ZFAND3: variants seen among roughly 807,000 people sequenced by gnomAD.
The protein encoded by ZFAND3 is zinc finger AN1-type containing 3.
In ZFAND3, 10 loss-of-function variants were observed where a neutral mutation model predicts 29.6. That is an observed-to-expected ratio of 0.34 (90% CI 0.21 to 0.57). The LOEUF is 0.57. Among genes scored for constraint, ZFAND3 ranks in the 20% least tolerant of loss-of-function variants. ZFAND3 has a pLI of 0.86. For synonymous variants in ZFAND3, 128 were observed against 112.6 expected, an observed-to-expected ratio of 1.14 and a Z score of -0.87; for missense variants, 230 against 304.5, an observed-to-expected ratio of 0.76 and a Z score of 1.82.
Position 37,997,563 on chromosome 6 carries a change from G to A in ZFAND3, c.113-64030G>A, listed in dbSNP as rs534405251. On this transcript the variant is annotated intron_variant, in intron 2 of 5. Coordinates refer to ENST00000287218, the MANE Select transcript of ZFAND3 (RefSeq NM_021943.3). ...AGCCCCAAGCTAGTTTCTACTTGAA[G>A]TTAAGACAGCCACTGCAAGGAGGGA... 2.6e-5 allele frequency among the ~76,000 whole-genome samples: 4 copies of A among 152,300 alleles called. No homozygotes were observed. In the East Asian group the frequency reaches 5.8e-4, roughly 22 times the overall value.
intron 1 of ZFAND3, among the ~76,000 whole-genome samples, chr6:37,846,095 G>A (rs1469253381): frequency 2.0e-5 from 3 of 152,106 alleles, no homozygotes; most frequent in African/African-American, 7.2e-5. Flanking sequence ...ACTCATGTTG[G>A]CTTTTGCCTG....
chr6:38,139,241 TC>T (rs1765901698), intron 5 of ZFAND3, among the ~76,000 whole-genome samples: 1 of 152,206 alleles, frequency 6.6e-6, no homozygotes, highest in Non-Finnish European at 1.5e-5. Context: ...ACACAGTCTT[TC>T]TATACCTAAC....
chr6:37,906,534 T>C lies in ZFAND3; in HGVS notation c.72-23425T>C, dbSNP rs113122200. On this transcript the variant is annotated intron_variant, in intron 1 of 5. Coordinates refer to ENST00000287218, the MANE Select transcript of ZFAND3 (RefSeq NM_021943.3). ...TTTGTTTGAACACCTATTTTCACTT[T>C]TTGGGTATACACGTGGGTGTGGAAT... Among the ~76,000 whole-genome samples the C allele has an allele frequency of 4.9e-4, 75 of 152,226 alleles. 1 individual carries two copies. Among genetic ancestry groups the C allele is most frequent in the African/African-American group, 1.0e-3 (43 of 41,564 alleles).
intron 1 of ZFAND3, among the ~76,000 whole-genome samples, chr6:37,926,004 G>A (rs1240437736): frequency 3.3e-5 from 5 of 152,176 alleles, no homozygotes; most frequent in African/African-American, 9.7e-5. Flanking sequence ...AAAAGTAGAG[G>A]TAATGAAGAC....
At chr6:37,983,783 A>G (rs188298436) in intron 2 of ZFAND3, among the ~76,000 whole-genome samples, 1 of 152,264 alleles carries the variant, frequency 6.6e-6, no homozygotes, top group African/African-American at 2.4e-5. Flanking sequence ...ACATGCTTAT[A>G]CAGGTTTGTA....
chr6:38,119,170 G>T (rs1765478120), intron 5 of ZFAND3, among the ~76,000 whole-genome samples: 1 of 152,122 alleles, frequency 6.6e-6, no homozygotes, highest in Non-Finnish European at 1.5e-5. Flanking sequence ...GACAACAATG[G>T]GAACATGCCA....
At chr6:37,820,127 A>T in intron 1 of ZFAND3, 111 bp downstream of exon 1, 1 of 379,040 alleles carries the variant, frequency 2.6e-6, no homozygotes, top group Non-Finnish European at 3.5e-6. Context: ...GGCTGGGCCC[A>T]GCCCGGGCCT....
At chr6:38,110,127 C>A (rs1765285231) in intron 4 of ZFAND3, among the ~76,000 whole-genome samples, 1 of 152,118 alleles carries the variant, frequency 6.6e-6, no homozygotes, top group African/African-American at 2.4e-5. Context: ...AAGCTAGATT[C>A]GTCTCCATAT....
intron 1 of ZFAND3, among the ~76,000 whole-genome samples, chr6:37,824,817 G>A (rs999399733): frequency 1.3e-5 from 2 of 152,146 alleles, no homozygotes; most frequent in African/African-American, 4.8e-5. Context: ...CATTGCTGTT[G>A]AAGCATTTTG....
At chr6:38,042,876 C>T (rs908440707) in intron 2 of ZFAND3, among the ~76,000 whole-genome samples, 16 of 151,852 alleles carry the variant, frequency 1.1e-4, no homozygotes, top group African/African-American at 2.9e-4. Flanking sequence ...TGGTGGGAGA[C>T]GTTTCCCTTT....
chr6:37,894,888 G>A (rs1030728535), intron 1 of ZFAND3, among the ~76,000 whole-genome samples: 11 of 152,104 alleles, frequency 7.2e-5, no homozygotes, highest in Non-Finnish European at 1.0e-4. Context: ...ATCTTCTTTC[G>A]TTTATATATA....
intron 2 of ZFAND3, among the ~76,000 whole-genome samples, chr6:37,941,405 C>T (rs1033723110): frequency 6.6e-6 from 1 of 152,184 alleles, no homozygotes; most frequent in African/African-American, 2.4e-5. Context: ...TCTAGATCCC[C>T]TCATAATCAG....
chr6:37,892,351 G>A (rs1765120718), intron 1 of ZFAND3, among the ~76,000 whole-genome samples: 1 of 152,184 alleles, frequency 6.6e-6, no homozygotes, highest in Admixed American at 6.5e-5. Context: ...CAGCTACTTG[G>A]GAAACTGAGG....
At chr6:38,135,781 G>A (rs79532072) in intron 5 of ZFAND3, among the ~76,000 whole-genome samples, 8,379 of 151,922 alleles carry the variant, frequency 0.055, 331 homozygotes, top group Non-Finnish European at 0.087. Flanking sequence ...ACACGTTTCC[G>A]GTGAGCTGTG....
intron 5 of ZFAND3, among the ~76,000 whole-genome samples, chr6:38,131,649 C>T (rs1765744542): frequency 1.3e-5 from 2 of 152,230 alleles, no homozygotes; most frequent in African/African-American, 4.8e-5. Flanking sequence ...ACATACCTTC[C>T]TCCCACTGTT....
intron 1 of ZFAND3, among the ~76,000 whole-genome samples, chr6:37,859,704 C>T (rs1164850373): frequency 1.3e-5 from 2 of 152,056 alleles, no homozygotes; most frequent in African/African-American, 4.8e-5. Context: ...GTGGGACTGG[C>T]CTTGTACCTC....
Position 38,113,537 on chromosome 6 carries a change from A to G in ZFAND3, c.362-3035A>G, listed in dbSNP as rs535499666. Among the ~76,000 whole-genome samples, 6 of 152,320 alleles carry G rather than the reference A, an allele frequency of 3.9e-5. No homozygotes were observed. The South Asian group carries it at 1.2e-3, about 32-fold the overall frequency. Reference sequence around the variant, plus strand: ...CTATTGAATGCCCATTGGTCAGGTAAGATGGGGAATTAAGAGAAAAAGAGG... The same window carrying G: ...CTATTGAATGCCCATTGGTCAGGTAGGATGGGGAATTAAGAGAAAAAGAGG... On this transcript the variant is annotated intron_variant, in intron 4 of 5. Transcript: ENST00000287218.
chr6:38,093,449 C>T (rs1474146621), intron 4 of ZFAND3, among the ~76,000 whole-genome samples: 1 of 152,000 alleles, frequency 6.6e-6, no homozygotes, highest in African/African-American at 2.4e-5. Context: ...TAAATATGAG[C>T]CTGTTTTAGA....
intron 2 of ZFAND3, among the ~76,000 whole-genome samples, chr6:38,013,032 A>G (rs909190237): frequency 3.9e-5 from 6 of 152,118 alleles, no homozygotes; most frequent in Non-Finnish European, 8.8e-5. Flanking sequence ...ACTTGAGTGT[A>G]TTTTCTAAAT....
Sources: allele counts gnomAD v4.1 joint callset (sites outside exome capture counted in the v4.1 genomes callset), GRCh38; gene constraint gnomAD v4.1.1; transcripts MANE v1.5; gene names NCBI Gene and HGNC (gene_info 2026-07-23, HGNC 2026-07-21).